The following FAM53A variants were observed in gnomAD, a reference collection of about 807,000 sequenced individuals.
FAM53A encodes the protein family with sequence similarity 53 member A, also known as protein FAM53A.
FAM53A carries 28 observed loss-of-function variants against 26.6 expected under a neutral mutation model. The observed-to-expected ratio is 1.05, with a 90% confidence interval of 0.78 to 1.45. The LOEUF is 1.45. FAM53A is among the 40% of genes most tolerant of loss of function. The pLI is 0.00. For synonymous variants in FAM53A, 290 were observed against 253.1 expected, an observed-to-expected ratio of 1.15 and a Z score of -1.38; for missense variants, 650 against 575.8, an observed-to-expected ratio of 1.13 and a Z score of -1.32.
intron 2 of FAM53A, among the ~76,000 whole-genome samples, chr4:1,660,302 G>A (rs529407377): frequency 2.6e-5 from 4 of 151,296 alleles, no homozygotes; most frequent in Admixed American, 2.0e-4. Context: ...AGAAAAAAAC[G>A]AAATCTGTAC....
the FAM53A span, among the ~76,000 whole-genome samples, chr4:1,575,947 C>T: frequency 7.8e-3 from 1,194 of 152,248 alleles, 8 homozygotes; most frequent in Middle Eastern, 0.02. Flanking sequence ...GGTGAAGTGG[C>T]CCCAGGGCAG....
intron 4 of FAM53A, among the ~76,000 whole-genome samples, chr4:1,648,134 A>G (rs934522817): frequency 6.6e-6 from 1 of 152,196 alleles, no homozygotes; most frequent in Non-Finnish European, 1.5e-5. Flanking sequence ...ACCTGGGTCC[A>G]GGAGATGGAG....
intron 4 of FAM53A, among the ~76,000 whole-genome samples, chr4:1,643,724 G>A (rs1711970497): frequency 6.6e-6 from 1 of 151,698 alleles, no homozygotes. Flanking sequence ...ATACCATCAT[G>A]CCGGTCTAAT....
At chr4:1,614,467 G>C (rs1405572312), downstream of FAM53A, among the ~76,000 whole-genome samples, 4 of 141,718 alleles carry the variant, frequency 2.8e-5, no homozygotes, top group African/African-American at 5.4e-5. Context: ...GCAGAGACGT[G>C]AGGGGGATGC....
chr4:1,663,435 C>G (rs1393699428), intron 2 of FAM53A, among the ~76,000 whole-genome samples: 1 of 152,142 alleles, frequency 6.6e-6, no homozygotes, highest in Non-Finnish European at 1.5e-5. Flanking sequence ...CTGCATTATC[C>G]CTAATAGCTA....
chr4:1,656,279 T>A (rs990495169), intron 3 of FAM53A, among the ~76,000 whole-genome samples: 1 of 152,222 alleles, frequency 6.6e-6, no homozygotes, highest in African/African-American at 2.4e-5. Context: ...TCTCACTTCC[T>A]GCACAACTGT....
chr4:1,652,522 T>C (rs547635042), intron 4 of FAM53A, among the ~76,000 whole-genome samples: 58 of 115,950 alleles, frequency 5.0e-4, no homozygotes, highest in African/African-American at 1.9e-3. Flanking sequence ...CCACACACCA[T>C]ATACTCTACC....
intron 1 of FAM53A, among the ~76,000 whole-genome samples, chr4:1,624,660 C>T (rs1314485993): frequency 1.3e-5 from 2 of 152,230 alleles, no homozygotes; most frequent in Non-Finnish European, 2.9e-5. Flanking sequence ...GCCAGCCCGC[C>T]TCCCCGCCAC....
At chr4:1,673,668 A>T (rs899738328) in intron 1 of FAM53A, among the ~76,000 whole-genome samples, 2 of 152,176 alleles carry the variant, frequency 1.3e-5, no homozygotes, top group African/African-American at 2.4e-5. Context: ...GGTGGGGCAG[A>T]GGTTGCAGTG....
chr4:1,656,999 C>A (rs1278250546), intron 3 of FAM53A, among the ~76,000 whole-genome samples: 4 of 152,204 alleles, frequency 2.6e-5, no homozygotes, highest in South Asian at 4.1e-4. Flanking sequence ...ACAGCCACAC[C>A]CTCCACTGCA....
chr4:1,601,619 C>T, the FAM53A span, among the ~76,000 whole-genome samples: 3 of 110,680 alleles, frequency 2.7e-5, 1 homozygote, highest in Non-Finnish European at 6.5e-5. Context: ...GCCCCATCTG[C>T]CATGCACCCC....
chr4:1,623,359 G>T (rs1006143603), intron 1 of FAM53A, among the ~76,000 whole-genome samples: 11 of 150,568 alleles, frequency 7.3e-5, no homozygotes, highest in African/African-American at 2.8e-4. Flanking sequence ...AGCCCCGGGA[G>T]AGGAGGCTGT....
At chr4:1,577,427 G>C in the FAM53A span, among the ~76,000 whole-genome samples, 2 of 151,928 alleles carry the variant, frequency 1.3e-5, no homozygotes, top group Non-Finnish European at 2.9e-5. Context: ...CACAGGGTGC[G>C]GGGTGGTAGG....
chr4:1,618,852 C>A (rs1043148665), intron 1 of FAM53A, among the ~76,000 whole-genome samples: 1 of 152,162 alleles, frequency 6.6e-6, no homozygotes, highest in Non-Finnish European at 1.5e-5. Flanking sequence ...ACCCCCAGCC[C>A]TCTCACTGGG....
chr4:1,601,110 G>A, the FAM53A span, among the ~76,000 whole-genome samples: 3 of 152,150 alleles, frequency 2.0e-5, no homozygotes, highest in African/African-American at 7.2e-5. Context: ...CACAGTGGAG[G>A]TGGGGGTGGG....
chr4:1,583,047 G>A, the FAM53A span, among the ~76,000 whole-genome samples: 2 of 152,174 alleles, frequency 1.3e-5, no homozygotes, highest in Non-Finnish European at 2.9e-5. Flanking sequence ...ACTGCTAGTT[G>A]GCTCTTAGGA....
At chr4:1,594,375 A>T in the FAM53A span, among the ~76,000 whole-genome samples, 3 of 151,894 alleles carry the variant, frequency 2.0e-5, no homozygotes, top group South Asian at 6.2e-4. Context: ...GGATCTAACA[A>T]TCCCCAGCCT....
chr4:1,641,336 C>A lies in FAM53A; in HGVS notation c.1154G>T (p.Arg385Leu), dbSNP rs761689023. The change falls in exon 5 of 5, where the codon CGG (arginine) becomes CTG (leucine). Residue 385 changes from arginine to leucine, a missense_variant. Transcript: ENST00000308132. ...CTCCAGGTCCAGCTCCCAGCGGGCC[C>A]GGGGGAAGACGCCCTCCTCCCCGAC... ...DSVGEEGVFP[R>L]ARWELDLEQI... 1 of 1,611,514 alleles carries A rather than the reference C, an allele frequency of 6.2e-7. No homozygotes were observed. Among genetic ancestry groups the A allele is most frequent in the Admixed American group, 1.7e-5 (1 of 59,150 alleles).
rs137913264 is a variant in FAM53A at position 1,618,219 on chromosome 4, G to A, written c.432-108C>T. ...AGACAGTGAGGCTGGCCTTGAGCCC[G>A]AAGGCCCATCACGGCAGGGGTGCAT... On this transcript the variant is annotated intron_variant, in intron 1 of 1. Transcript: ENST00000489029. The A allele has an allele frequency of 4.2e-3, 1,897 of 451,350 alleles. 18 individuals are homozygous for A. Among genetic ancestry groups the A allele is most frequent in the Non-Finnish European group, 5.2e-3 (1,162 of 224,448 alleles). The allele number at this position is 451,350 out of a possible 1,614,324, so 28.0% of individuals were successfully genotyped here. A position where few individuals can be genotyped will look rare whatever the true frequency, so the allele number is the denominator to read the frequency against.
Sources: gnomAD v4.1 joint callset for allele counts (sites outside exome capture counted in the v4.1 genomes callset) on GRCh38, gnomAD v4.1.1 for gene constraint, MANE v1.5 for transcripts, NCBI Gene and HGNC (gene_info 2026-07-23, HGNC 2026-07-21) for gene names.